The following IL23R variants were observed in gnomAD, a reference collection of about 807,000 sequenced individuals.
The protein encoded by IL23R is interleukin-23 receptor.
IL23R carries 34 observed loss-of-function variants against 56.9 expected under a neutral mutation model. The ratio of observed to expected loss-of-function variants is 0.60; its 90% CI spans 0.45 to 0.80. The LOEUF (loss-of-function observed/expected upper bound fraction) is 0.80, where lower values mean the gene tolerates loss of function less well. Ranked by LOEUF, IL23R falls within the 30% of genes least tolerant of loss-of-function variation. The pLI, the probability that IL23R is intolerant of heterozygous loss-of-function variation, is 0.00. For synonymous variants in IL23R, 230 were observed against 249.2 expected, an observed-to-expected ratio of 0.92 and a Z score of 0.73; for missense variants, 635 against 730.0, an observed-to-expected ratio of 0.87 and a Z score of 1.50.
Position 67,200,587 on chromosome 1 carries a change from G to C in IL23R, c.492-150G>C, listed in dbSNP as rs558686724. 6.2e-6 allele frequency: 4 copies of C among 646,700 alleles called. No individual in the cohort carries two copies. The African/African-American group carries it at 7.3e-5, about 12-fold the overall frequency. 40.1% of individuals were successfully genotyped at this position (646,700 alleles called of 1,614,324 possible). ...TTTAATAGAGACAGGGTTTCACCAT[G>C]TTGGCCAGGCTGGTCTCGAACTCCT... On this transcript the variant is annotated intron_variant, in intron 4 of 10. Coordinates refer to ENST00000347310, the MANE Select transcript of IL23R (RefSeq NM_144701.3).
At chr1:67,234,134 ACAGT>A (rs1651300928) in intron 7 of IL23R, among the ~76,000 whole-genome samples, 1 of 152,136 alleles carries the variant, frequency 6.6e-6, no homozygotes, top group Non-Finnish European at 1.5e-5. Flanking sequence ...TATCGCTTTT[ACAGT>A]CAAAGATGTT....
At chr1:67,174,541 C>T (rs1406120939) in intron 3 of IL23R, among the ~76,000 whole-genome samples, 1 of 151,620 alleles carries the variant, frequency 6.6e-6, no homozygotes, top group Non-Finnish European at 1.5e-5. Context: ...CTTTATGAGC[C>T]CCTATCCTTC....
chr1:67,182,074 A>G (rs113289702), intron 3 of IL23R, among the ~76,000 whole-genome samples: 6,817 of 152,192 alleles, frequency 0.045, 505 homozygotes, highest in African/African-American at 0.16. Flanking sequence ...GGCTACTCAG[A>G]GGTCAGGGAC....
At chr1:67,209,268 C>T (rs1480295069) in intron 6 of IL23R, among the ~76,000 whole-genome samples, 1 of 152,126 alleles carries the variant, frequency 6.6e-6, no homozygotes, top group Non-Finnish European at 1.5e-5. Context: ...TGAGTTATGA[C>T]TTTGGGGGAC....
chr1:67,150,248 C>CTTTTTTTTTTTT (rs552806817), intron 1 of IL23R, among the ~76,000 whole-genome samples: 1 of 110,260 alleles, frequency 9.1e-6, no homozygotes, highest in Non-Finnish European at 1.8e-5. Context: ...GCATTTCGAA[C>CTTTTTTTTTTTT]TTTTTTTTTT....
intron 9 of IL23R, among the ~76,000 whole-genome samples, chr1:67,241,279 A>G (rs1180179769): frequency 6.6e-6 from 1 of 152,178 alleles, no homozygotes; most frequent in African/African-American, 2.4e-5. Context: ...GGCAACAAGG[A>G]CTGAGTAGAA....
intron 9 of IL23R, among the ~76,000 whole-genome samples, chr1:67,247,983 G>A (rs1159217723): frequency 3.3e-5 from 5 of 152,268 alleles, no homozygotes; most frequent in African/African-American, 4.8e-5. Context: ...TGAGACATCT[G>A]CTTTTAGTCT....
At chr1:67,218,217 T>C (rs1055203335) in intron 6 of IL23R, among the ~76,000 whole-genome samples, 2 of 151,922 alleles carry the variant, frequency 1.3e-5, no homozygotes, top group African/African-American at 4.8e-5. Context: ...TTATCCTCCA[T>C]TGGATTTCTC....
intron 4 of IL23R, among the ~76,000 whole-genome samples, chr1:67,198,864 G>A (rs189619678): frequency 1.3e-5 from 2 of 152,246 alleles, no homozygotes; most frequent in East Asian, 1.9e-4. Flanking sequence ...AGGATCACTC[G>A]AGCCCAGGAG....
chr1:67,168,432 A>C (rs977719325), intron 2 of IL23R, among the ~76,000 whole-genome samples: 5 of 152,200 alleles, frequency 3.3e-5, no homozygotes, highest in Non-Finnish European at 7.3e-5. Context: ...GGATATTTCC[A>C]CAAAGGAGCT....
intron 8 of IL23R, among the ~76,000 whole-genome samples, chr1:67,238,412 TATCA>T (rs1311121763): frequency 2.0e-5 from 3 of 151,676 alleles, no homozygotes; most frequent in African/African-American, 7.3e-5. Flanking sequence ...CACTCTGAAT[TATCA>T]ATCAATTGCA....
Position 67,182,819 on chromosome 1 carries a change from G to T in IL23R, c.368-17G>T. The T allele has an allele frequency of 6.2e-7, 1 of 1,613,694 alleles. No individual in the cohort carries two copies. Among genetic ancestry groups the T allele is most frequent in the African/African-American group, 1.3e-5 (1 of 75,030 alleles). ...GTATTTCTTACAGCACCTCCTAAGT[G>T]TTATGTTTTGTTGCAGATCCGCCAG... On this transcript the variant is annotated splice_polypyrimidine_tract_variant and intron_variant, in intron 3 of 10. Coordinates refer to ENST00000347310, the MANE Select transcript of IL23R (RefSeq NM_144701.3).
At chr1:67,141,119 G>T (rs897431085) in intron 1 of IL23R, among the ~76,000 whole-genome samples, 7 of 152,102 alleles carry the variant, frequency 4.6e-5, no homozygotes, top group Admixed American at 2.0e-4. Flanking sequence ...GTTAATTGAA[G>T]AAATTATAAG....
intron 7 of IL23R, among the ~76,000 whole-genome samples, chr1:67,223,667 A>G (rs1650439645): frequency 6.6e-6 from 1 of 152,040 alleles, no homozygotes; most frequent in Non-Finnish European, 1.5e-5. Context: ...GCATTTTTTT[A>G]ATGTTTGGGG....
Position 67,238,724 on chromosome 1 carries a change from C to T in IL23R, c.1046-1455C>T, listed in dbSNP as rs77271886. Among the ~76,000 whole-genome samples, 1,165 of 152,270 alleles carry T rather than the reference C, an allele frequency of 7.7e-3. 13 individuals are homozygous for T. Among genetic ancestry groups the T allele is most frequent in the African/African-American group, 0.026 (1,064 of 41,538 alleles). On this transcript the variant is annotated intron_variant, in intron 8 of 10. Transcript: ENST00000347310. ...ACCCCTTTGCCGAGCACTGTGTTGA[C>T]CTGAGGGCTGTCTATCCTCTTCCAG... is the stretch of plus-strand genomic sequence containing the variant.
chr1:67,243,966 C>T (rs928739803), intron 9 of IL23R, among the ~76,000 whole-genome samples: 6 of 152,204 alleles, frequency 3.9e-5, no homozygotes, highest in South Asian at 2.1e-4. Context: ...GCCTTGCCAG[C>T]GTCTCTTGTT....
intron 4 of IL23R, 52 bp downstream of exon 4, chr1:67,183,011 A>G (rs1647175354): frequency 1.2e-6 from 2 of 1,608,636 alleles, no homozygotes; most frequent in African/African-American, 2.7e-5. Context: ...CAGTTCAGCC[A>G]GAGCTCTGCC....
intron 9 of IL23R, among the ~76,000 whole-genome samples, chr1:67,253,933 A>G (rs1558267321): frequency 6.6e-6 from 1 of 152,180 alleles, no homozygotes; most frequent in Admixed American, 6.6e-5. Context: ...AAAAGATAAA[A>G]CAAGACATAA....
At position 67,227,430 on chromosome 1, in the gene IL23R, C is replaced by CTTTTT. The variant is rs3052957; in HGVS notation, c.955+7709_955+7713dup. 4.3e-4 allele frequency among the ~76,000 whole-genome samples: 63 copies of CTTTTT among 147,176 alleles called. 2 individuals are homozygous for CTTTTT. The highest frequency in any genetic ancestry group is 1.3e-3 in the African/African-American group (51 of 40,044). ...AGTTTCCCAGAGAACTCATATTACT[C>CTTTTT]TTTTTTTTTTTTTGACAGTTTTCCA... On this transcript the variant is annotated intron_variant, in intron 7 of 10. Transcript: ENST00000347310.
Sources: gnomAD v4.1 joint callset for allele counts (sites outside exome capture counted in the v4.1 genomes callset) on GRCh38, gnomAD v4.1.1 for gene constraint, MANE v1.5 for transcripts, NCBI Gene and HGNC (gene_info 2026-07-23, HGNC 2026-07-21) for gene names.